The following CHCHD3 variants were observed in gnomAD, a reference collection of about 807,000 sequenced individuals.
The protein encoded by CHCHD3 is coiled-coil-helix-coiled-coil-helix domain containing 3, also known as MICOS complex subunit MIC19.
CHCHD3 carries 20 observed loss-of-function variants against 38.2 expected under a neutral mutation model. The ratio of observed to expected loss-of-function variants is 0.52; its 90% confidence interval spans 0.37 to 0.76. The LOEUF is 0.76. Among genes scored for constraint, CHCHD3 ranks in the 30% least tolerant of loss-of-function variants. The pLI, the probability that CHCHD3 is intolerant of heterozygous loss-of-function variation, is 0.00. For missense variants in CHCHD3, 245 were observed against 279.2 expected, an observed-to-expected ratio of 0.88 and a Z score of 0.87; for synonymous variants, 82 against 100.0, an observed-to-expected ratio of 0.82 and a Z score of 1.07.
chr7:132,805,654 C>A (rs906275911), intron 6 of CHCHD3, among the ~76,000 whole-genome samples: 3 of 152,028 alleles, frequency 2.0e-5, no homozygotes, highest in African/African-American at 7.2e-5. Context: ...CTTGAGAAGG[C>A]GGATCCAGTG....
At chr7:133,077,506 C>CG (rs1200532778) in intron 1 of CHCHD3, among the ~76,000 whole-genome samples, 1 of 152,196 alleles carries the variant, frequency 6.6e-6, no homozygotes, top group Non-Finnish European at 1.5e-5. Context: ...TGCGGACATT[C>CG]GTTTATGTCT....
chr7:133,029,289 G>A (rs1430784699), intron 2 of CHCHD3, among the ~76,000 whole-genome samples: 1 of 151,968 alleles, frequency 6.6e-6, no homozygotes, highest in Non-Finnish European at 1.5e-5. Context: ...GGGAACATTG[G>A]GGACACTTAA....
chr7:133,074,154 T>C (rs1220374021), intron 1 of CHCHD3, among the ~76,000 whole-genome samples: 1 of 152,220 alleles, frequency 6.6e-6, no homozygotes, highest in East Asian at 1.9e-4. Context: ...TTCCACTAGA[T>C]TGCAAGCTCC....
intron 5 of CHCHD3, among the ~76,000 whole-genome samples, chr7:132,862,210 A>G (rs770358241): frequency 6.6e-6 from 1 of 152,002 alleles, no homozygotes; most frequent in Non-Finnish European, 1.5e-5. Flanking sequence ...ACAGAGAGAG[A>G]GAGATGGAGA....
intron 2 of CHCHD3, among the ~76,000 whole-genome samples, chr7:133,063,573 T>C (rs1400900748): frequency 2.0e-5 from 3 of 152,232 alleles, no homozygotes; most frequent in Non-Finnish European, 4.4e-5. Flanking sequence ...GCTGCTTCTT[T>C]ACTTAACTGA....
At chr7:132,953,529 G>A (rs530643195) in intron 4 of CHCHD3, among the ~76,000 whole-genome samples, 2 of 152,252 alleles carry the variant, frequency 1.3e-5, no homozygotes, top group South Asian at 4.1e-4. Context: ...CCAGTCCACA[G>A]CTGAGCCTCC....
At chr7:132,804,614 C>T (rs893198589) in intron 6 of CHCHD3, among the ~76,000 whole-genome samples, 3 of 152,174 alleles carry the variant, frequency 2.0e-5, no homozygotes, top group African/African-American at 7.2e-5. Context: ...AAAACTGTCA[C>T]ATATCTCAAT....
At chr7:133,040,413 G>T (rs1813801230) in intron 2 of CHCHD3, among the ~76,000 whole-genome samples, 1 of 152,082 alleles carries the variant, frequency 6.6e-6, no homozygotes, top group African/African-American at 2.4e-5. Context: ...ATTCCTCTGG[G>T]AGGGGTACCC....
At chr7:132,832,057 C>A (rs1300865431) in intron 6 of CHCHD3, among the ~76,000 whole-genome samples, 2 of 151,776 alleles carry the variant, frequency 1.3e-5, no homozygotes, top group South Asian at 4.2e-4. Context: ...GAAAGTGCAA[C>A]CCCTAAAAAA....
chr7:132,989,051 AC>A (rs1812201095), intron 3 of CHCHD3, among the ~76,000 whole-genome samples: 4 of 152,342 alleles, frequency 2.6e-5, no homozygotes, highest in Admixed American at 2.6e-4. Flanking sequence ...TGTAAAGTAT[AC>A]GGGAGGAAGT....
intron 2 of CHCHD3, among the ~76,000 whole-genome samples, chr7:133,069,855 T>A (rs1814768032): frequency 1.3e-5 from 2 of 152,172 alleles, no homozygotes; most frequent in African/African-American, 4.8e-5. Context: ...AATATCCCTA[T>A]AAGCAATCCA....
intron 6 of CHCHD3, among the ~76,000 whole-genome samples, chr7:132,832,106 T>C (rs2117085550): frequency 6.6e-6 from 1 of 152,334 alleles, no homozygotes; most frequent in Non-Finnish European, 1.5e-5. Context: ...CAAAGGGTTT[T>C]ACATTGAAGA....
At chr7:132,886,673 C>CAT (rs1036107295) in intron 4 of CHCHD3, among the ~76,000 whole-genome samples, 1 of 148,112 alleles carries the variant, frequency 6.8e-6, no homozygotes, top group Non-Finnish European at 1.5e-5. Context: ...TGTATATATA[C>CAT]ATATATATAC....
chr7:133,012,709 G>C (rs576818714), intron 3 of CHCHD3, among the ~76,000 whole-genome samples: 17 of 150,974 alleles, frequency 1.1e-4, no homozygotes, highest in African/African-American at 3.6e-4. Context: ...GGGTGCAATG[G>C]GCTGAGATTG....
chr7:133,068,925 T>G (rs1814745174), intron 2 of CHCHD3, among the ~76,000 whole-genome samples: 1 of 152,052 alleles, frequency 6.6e-6, no homozygotes, highest in Non-Finnish European at 1.5e-5. Context: ...AGTAGGCAGT[T>G]GTCTATTATA....
At chr7:132,943,367 T>G (rs933586910) in intron 4 of CHCHD3, among the ~76,000 whole-genome samples, 2 of 152,130 alleles carry the variant, frequency 1.3e-5, no homozygotes, top group Non-Finnish European at 2.9e-5. Flanking sequence ...TTGTGCTGGT[T>G]CAAGAATTGG....
intron 3 of CHCHD3, among the ~76,000 whole-genome samples, chr7:132,986,169 G>T (rs1446401298): frequency 6.0e-5 from 9 of 150,236 alleles, no homozygotes; most frequent in Non-Finnish European, 8.9e-5. Flanking sequence ...TAAGGGTGGT[G>T]CAAGATGTGC....
intron 2 of CHCHD3, among the ~76,000 whole-genome samples, chr7:133,036,460 C>G (rs972781444): frequency 6.6e-6 from 1 of 152,124 alleles, no homozygotes; most frequent in African/African-American, 2.4e-5. Context: ...GCAAAACTTT[C>G]ATTTTACAGT....
At chr7:132,977,730 C>T (rs1211871059) in intron 3 of CHCHD3, among the ~76,000 whole-genome samples, 1 of 152,146 alleles carries the variant, frequency 6.6e-6, no homozygotes, top group African/African-American at 2.4e-5. Context: ...ATCACATCTA[C>T]CACATTTGGT....
Sources: allele counts gnomAD v4.1 joint callset (sites outside exome capture counted in the v4.1 genomes callset), GRCh38; gene constraint gnomAD v4.1.1; transcripts MANE v1.5; gene names NCBI Gene and HGNC (gene_info 2026-07-23, HGNC 2026-07-21).